COL1A1: variants seen among roughly 807,000 people sequenced by gnomAD.
COL1A1 encodes collagen alpha-1(I) chain.
COL1A1 carries 21 observed loss-of-function variants against 195.7 expected under a neutral mutation model. The ratio of observed to expected loss-of-function variants is 0.11; its 90% CI spans 0.08 to 0.15. The LOEUF (loss-of-function observed/expected upper bound fraction) is 0.15. Ranked by LOEUF, COL1A1 falls within the 10% of genes least tolerant of loss-of-function variation. The pLI is 1.00. For missense variants in COL1A1, 1,365 were observed against 2,051.0 expected (o/e 0.67, Z 6.46); for synonymous variants, 749 against 747.3 (o/e 1.00, Z -0.04).
At position 50,188,334 on chromosome 17, in the gene COL1A1, G is replaced by A; in HGVS notation, c.3208-185C>T. The A allele has an allele frequency of 1.2e-6, 1 of 814,920 alleles. No individual in the cohort carries two copies. Among genetic ancestry groups the A allele is most frequent in the South Asian group, 1.8e-5 (1 of 56,018 alleles). The allele number at this position is 814,920 out of a possible 1,614,324, so 50.5% of individuals were successfully genotyped here. A position where few individuals can be genotyped will look rare whatever the true frequency, so the allele number is the denominator to read the frequency against. On this transcript the variant is annotated intron_variant, in intron 43 of 50. Coordinates refer to ENST00000225964, the MANE Select transcript of COL1A1 (RefSeq NM_000088.4). The surrounding 1 kb of genome is among the most constrained non-coding windows in gnomAD (Gnocchi z 5.6). ...CGGGAGCTGGGGCCAACTCATGGGA[G>A]AGGCGGTCCTGTCTGGGAGAGGGGA...
chr17:50,186,201 C>G lies in COL1A1; in HGVS notation c.4005+116G>C. The G allele has an allele frequency of 6.5e-7, 1 of 1,536,438 alleles. No individual in the cohort carries two copies. The highest frequency in any genetic ancestry group is 8.9e-7 in the Non-Finnish European group (1 of 1,122,978). On this transcript the variant is annotated intron_variant, in intron 49 of 50. Transcript: ENST00000225964. This position sits in a 1 kb window ranked among gnomAD's most constrained non-coding sequence, Gnocchi z 5.3. Reference sequence around the variant, plus strand: ...TATCAGGGACCTGAGACCCCTGCCTCCCAGCCCAGCTCTGTCCATCACCCT... The same window carrying G: ...TATCAGGGACCTGAGACCCCTGCCTGCCAGCCCAGCTCTGTCCATCACCCT...
chr17:50,188,219 T>C lies in COL1A1; in HGVS notation c.3208-70A>G. 7.3e-7 allele frequency: 1 copy of C among 1,368,202 alleles called. No individual in the cohort carries two copies. Among genetic ancestry groups the C allele is most frequent in the Admixed American group, 2.3e-5 (1 of 42,818 alleles). The allele number at this position is 1,368,202 out of a possible 1,614,324, so 84.8% of individuals were successfully genotyped here. A position where few individuals can be genotyped will look rare whatever the true frequency, so the allele number is the denominator to read the frequency against. ...GAGGCTGGGGCTGCAGGATGAGGCC[T>C]CCCCTCTGCTGGATCTCTCTCTCCT... On this transcript the variant is annotated intron_variant, in intron 43 of 50. Transcript: ENST00000225964. The surrounding 1 kb of genome is among the most constrained non-coding windows in gnomAD (Gnocchi z 5.6).
chr17:50,187,561 G>A (rs1417164614), intron 45 of COL1A1, 24 bp from the exon 46 acceptor site: 1 of 1,613,552 alleles, frequency 6.2e-7, no homozygotes, highest in Non-Finnish European at 8.5e-7. Context: ...AAAAAAGGCA[G>A]TTCAGGCCCA....
chr17:50,193,762 T>C (rs1907310597), intron 25 of COL1A1, 181 bp downstream of exon 25: 1 of 664,916 alleles, frequency 1.5e-6, no homozygotes, highest in Non-Finnish European at 2.7e-6. Context: ...ATTACAGGCA[T>C]GAGCCACCGT....
chr17:50,197,477 G>A (rs943785147), intron 9 of COL1A1, among the ~76,000 whole-genome samples: 14 of 152,214 alleles, frequency 9.2e-5, no homozygotes, highest in African/African-American at 3.1e-4. Context: ...CACCATCTGC[G>A]CACCAATTTC....
intron 6 of COL1A1, 28 bp downstream of exon 6, chr17:50,198,405 G>T: frequency 6.2e-7 from 1 of 1,609,470 alleles, no homozygotes; most frequent in Non-Finnish European, 8.5e-7. Context: ...TCTCTCTTCT[G>T]TCATCCATGC....
In COL1A1 at chr17:50,186,295, C is replaced by T; in HGVS notation, c.4005+22G>A. On this transcript the variant is annotated intron_variant, in intron 49 of 50. Transcript: ENST00000225964. This position sits in a 1 kb window ranked among gnomAD's most constrained non-coding sequence, Gnocchi z 5.3. The stretch of plus-strand genomic sequence containing the variant: ...GGGCTAGCCCATCTCCTAACACTGG[C>T]TCTGAGGTCCAGCTCACGCACCTGG... 1 of 1,613,894 alleles carries T rather than the reference C, an allele frequency of 6.2e-7. No individual in the cohort carries two copies. The highest frequency in any genetic ancestry group is 8.5e-7 in the Non-Finnish European group (1 of 1,180,024).
intron 2 of COL1A1, 24 bp from the exon 3 acceptor site, chr17:50,199,614 T>A: frequency 1.2e-6 from 2 of 1,613,952 alleles, no homozygotes; most frequent in Non-Finnish European, 1.7e-6. Context: ...AGACGCGCGT[T>A]AGAGCCAAGG....
At position 50,193,022 on chromosome 17, in the gene COL1A1, C is replaced by T. The variant is rs757147791; in HGVS notation, c.1793G>A (p.Arg598Gln). The change falls in exon 26 of 51, where the codon CGA becomes CAA. Residue 598 changes from arginine to glutamine, a missense_variant. Arg to Gln is a conservative substitution (Grantham distance 43). This residue lies in a region of COL1A1 where 671 missense variants were observed against 1,099.9 expected (regional missense o/e 0.61). Coordinates refer to ENST00000225964, the MANE Select transcript of COL1A1 (RefSeq NM_000088.4). ...AGCGCCAGGGGGTCCGGGAACACCT[C>T]GCTCTCCAGCCTTGCCGGGCTCTCC... ...AAGEPGKAGE[R>Q]GVPGPPGAVG... 2.4e-5 allele frequency: 39 copies of T among 1,613,946 alleles called. No homozygotes were observed. Among genetic ancestry groups the T allele is most frequent in the Non-Finnish European group, 3.1e-5 (36 of 1,180,022 alleles).
At position 50,195,724 on chromosome 17, in the gene COL1A1, G is replaced by A. The variant is rs1054446342; in HGVS notation, c.1057-59C>T. The stretch of plus-strand genomic sequence containing the variant: ...CCTGGGAAACCCAACCTTGCCTCTC[G>A]GGATGGCAGGAGGAAGGGGAGACAG... On this transcript the variant is annotated intron_variant, in intron 16 of 50. Transcript: ENST00000225964. The surrounding 1 kb of genome is among the most constrained non-coding windows in gnomAD (Gnocchi z 4.3). 3.3e-5 allele frequency: 51 copies of A among 1,537,570 alleles called. No individual in the cohort carries two copies. The highest frequency in any genetic ancestry group is 1.7e-4 in the South Asian group (15 of 88,066).
At position 50,194,327 on chromosome 17, in the gene COL1A1, G is replaced by A. The variant is rs1477224358; in HGVS notation, c.1614+22C>T. On this transcript the variant is annotated intron_variant, in intron 23 of 50. Transcript: ENST00000225964. This position sits in a 1 kb window ranked among gnomAD's most constrained non-coding sequence, Gnocchi z 6.8. The stretch of plus-strand genomic sequence containing the variant: ...GGATGGTCAGGGCCTGGCCAAGCCA[G>A]GCTGAAAGCCTGGGGCCTCACCTTG... 1 of 1,613,712 alleles carries A rather than the reference G, an allele frequency of 6.2e-7. No homozygotes were observed. Among genetic ancestry groups the A allele is most frequent in the East Asian group, 2.2e-5 (1 of 44,880 alleles).
intron 15 of COL1A1, 35 bp downstream of exon 15, chr17:50,196,120 A>G: frequency 6.2e-7 from 1 of 1,613,276 alleles, no homozygotes; most frequent in African/African-American, 1.3e-5. Flanking sequence ...ACCCCTCCCC[A>G]CTCCCAGGCC....
chr17:50,186,766 C>G lies in COL1A1; in HGVS notation c.3688G>C (p.Glu1230Gln). ...DANVVRDRDL[E>Q]VDTTLKSLSQ... ...AGGCTCTTGAGGGTGGTGTCCACCT[C>G]GAGGTCACGGTCACGAACCACATTG... The change falls in exon 48 of 51, where the codon GAG becomes CAG. Residue 1230 changes from glutamate to glutamine, a missense_variant. Glu to Gln is a conservative substitution (Grantham distance 29). This residue lies in a region of COL1A1 where 273 missense variants were observed against 338.6 expected (regional missense o/e 0.81). Coordinates refer to ENST00000225964, the MANE Select transcript of COL1A1 (RefSeq NM_000088.4). This position sits in a 1 kb window ranked among gnomAD's most constrained non-coding sequence, Gnocchi z 5.3. 1 of 1,614,042 alleles carries G rather than the reference C, an allele frequency of 6.2e-7. No homozygotes were observed. The highest frequency in any genetic ancestry group is 8.5e-7 in the Non-Finnish European group (1 of 1,180,028).
chr17:50,185,689 T>G, intron 50 of COL1A1, 41 bp from the exon 51 acceptor site: 1 of 1,612,042 alleles, frequency 6.2e-7, no homozygotes, highest in African/African-American at 1.3e-5. Context: ...CATTACCACG[T>G]GGGAGTGATG....
At chr17:50,198,051 T>C in intron 7 of COL1A1, 49 bp from the exon 8 acceptor site, 1 of 1,609,136 alleles carries the variant, frequency 6.2e-7, no homozygotes, top group Non-Finnish European at 8.5e-7. Flanking sequence ...CCTGTCAACC[T>C]TCTCCAATCT....
chr17:50,194,964 C>A lies in COL1A1; in HGVS notation c.1353+83G>T. 1 of 1,499,744 alleles carries A rather than the reference C, an allele frequency of 6.7e-7. No individual in the cohort carries two copies. The highest frequency in any genetic ancestry group is 9.3e-7 in the Non-Finnish European group (1 of 1,080,334). The allele number at this position is 1,499,744 out of a possible 1,614,324, so 92.9% of individuals were successfully genotyped here. ...AGGGACTCCCCCAGAAGACTAGGGG[C>A]TCCTCTTCCTTTCTGGATTTCCCTC... On this transcript the variant is annotated intron_variant, in intron 20 of 50. Transcript: ENST00000225964. This position sits in a 1 kb window ranked among gnomAD's most constrained non-coding sequence, Gnocchi z 6.8.
rs754112656 is a variant in COL1A1, at chr17:50,198,366, G to C, written c.543+67C>G. ...ACCTCCCAAGCTGTCTATACCAGCC[G>C]CCTATGCCCACCTCCTCTGGATACC... On this transcript the variant is annotated intron_variant, in intron 6 of 50. Coordinates refer to ENST00000225964, the MANE Select transcript of COL1A1 (RefSeq NM_000088.4). 57 of 1,572,994 alleles carry C rather than the reference G, an allele frequency of 3.6e-5. No homozygotes were observed. In the African/African-American group the frequency reaches 7.0e-4, roughly 19 times the overall value.
At position 50,193,050 on chromosome 17, in the gene COL1A1, G is replaced by T. The variant is rs1907243597; in HGVS notation, c.1768-3C>A. The T allele has an allele frequency of 6.2e-7, 1 of 1,613,620 alleles. No individual in the cohort carries two copies. The highest frequency in any genetic ancestry group is 8.5e-7 in the Non-Finnish European group (1 of 1,179,928). On this transcript the variant is annotated splice_region_variant and splice_polypyrimidine_tract_variant and intron_variant, in intron 25 of 50. Coordinates refer to ENST00000225964, the MANE Select transcript of COL1A1 (RefSeq NM_000088.4). ...TCTCCAGCCTTGCCGGGCTCTCCCT[G>T]TGGAGAAAGGGAGTTAGGGTTGAGG... is the stretch of plus-strand genomic sequence containing the variant.
rs983603250 is a variant in COL1A1 at position 50,194,935 on chromosome 17, T to A, written c.1354-107A>T. The A allele has an allele frequency of 1.5e-5, 22 of 1,465,654 alleles. No homozygotes were observed. Among genetic ancestry groups the A allele is most frequent in the Non-Finnish European group, 2.1e-5 (22 of 1,054,038 alleles). 90.8% of individuals were successfully genotyped at this position (1,465,654 alleles called of 1,614,324 possible). A position where few individuals can be genotyped will look rare whatever the true frequency, so the allele number is the denominator to read the frequency against. On this transcript the variant is annotated intron_variant, in intron 20 of 50. Coordinates refer to ENST00000225964, the MANE Select transcript of COL1A1 (RefSeq NM_000088.4). The surrounding 1 kb of genome is among the most constrained non-coding windows in gnomAD (Gnocchi z 6.8). ...CCAGTGTCAGGGGTTCCTGGGGGTG[T>A]GGCAGGGACTCCCCCAGAAGACTAG...
Sources: gnomAD v4.1 joint callset for allele counts (sites outside exome capture counted in the v4.1 genomes callset) on GRCh38, gnomAD v4.1.1 for gene constraint, gnomAD v4.1.1 regional missense constraint, Gnocchi (gnomAD v3.1) non-coding constraint, MANE v1.5 for transcripts, NCBI Gene and HGNC (gene_info 2026-07-23, HGNC 2026-07-21) for gene names.